The following FOXP1 variants were observed in gnomAD, a reference collection of about 807,000 sequenced individuals.
FOXP1 encodes forkhead box protein P1.
In FOXP1, 15 loss-of-function variants were observed where a neutral mutation model predicts 98.2. The ratio of observed to expected loss-of-function variants is 0.15; its 90% CI spans 0.10 to 0.24. FOXP1 has a LOEUF of 0.24. Among genes scored for constraint, FOXP1 ranks in the 10% least tolerant of loss-of-function variants. The probability of loss-of-function intolerance (pLI) is 1.00; values close to 1 mark genes in which losing one functional copy is unlikely to be tolerated. For synonymous variants in FOXP1, 371 were observed against 314.5 expected (o/e 1.18, Z -1.90); for missense variants, 633 against 848.5 (o/e 0.75, Z 3.15).
intron 7 of FOXP1, among the ~76,000 whole-genome samples, chr3:71,091,170 G>C (rs1381581536): frequency 2.3e-5 from 3 of 132,066 alleles, no homozygotes; most frequent in Non-Finnish European, 4.9e-5. Flanking sequence ...CTGCTGGGTA[G>C]ACATTTCTAC....
At position 70,958,737 on chromosome 3, in the gene FOXP1, C is replaced by CA. The variant is rs10633687; in HGVS notation, c.*509dup. On this transcript the variant is annotated 3_prime_UTR_variant, in exon 21 of 21. Transcript: ENST00000649528. ...AGGCCTTCCCCATCCCAACTGGAAG[C>CA]AAAAAAAAAAAAAAAAAAAAAAAAA... 0.05 allele frequency: 1,208 copies of CA among 24,060 alleles called. 315 individuals are homozygous for CA. The highest frequency in any genetic ancestry group is 0.077 in the African/African-American group (488 of 6,316). The allele number at this position is 24,060 out of a possible 1,614,324, so 1.5% of individuals were successfully genotyped here. A position where few individuals can be genotyped will look rare whatever the true frequency, so the allele number is the denominator to read the frequency against.
At chr3:71,128,936 CA>C (rs1285944845) in intron 6 of FOXP1, among the ~76,000 whole-genome samples, 3 of 151,864 alleles carry the variant, frequency 2.0e-5, no homozygotes, top group African/African-American at 4.8e-5. Flanking sequence ...TATCATAAGA[CA>C]ATGCATTTAT....
intron 2 of FOXP1, chr3:71,581,025 T>C (rs2048120247): frequency 1.0e-6 from 1 of 982,892 alleles, no homozygotes; most frequent in Non-Finnish European, 1.2e-6. Flanking sequence ...TTTATATTAA[T>C]TTCATTATTC....
rs143943576 is a variant in FOXP1 at position 71,276,834 on chromosome 3, C to A, written c.-12+22986G>T. Among the ~76,000 whole-genome samples, 442 of 152,092 alleles carry A rather than the reference C, an allele frequency of 2.9e-3. 4 individuals are homozygous for A. The highest frequency in any genetic ancestry group is 0.01 in the African/African-American group (426 of 41,478). On this transcript the variant is annotated intron_variant, in intron 5 of 20. Coordinates refer to ENST00000649528, the MANE Select transcript of FOXP1 (RefSeq NM_001349338.3). ...ACTATACAGTCAGCCTACAGTGGTA[C>A]AGAACAACAGAATTTATTCCTCCTA...
At chr3:71,121,151 T>C (rs2058735950) in intron 6 of FOXP1, among the ~76,000 whole-genome samples, 1 of 151,830 alleles carries the variant, frequency 6.6e-6, no homozygotes, top group South Asian at 2.1e-4. Context: ...TCAAATGCCA[T>C]CCTGCGCACC....
intron 12 of FOXP1, 29 bp from the exon 13 acceptor site, chr3:71,001,088 T>G (rs372124446): frequency 4.5e-6 from 7 of 1,542,352 alleles, no homozygotes; most frequent in Non-Finnish European, 6.3e-6. Context: ...AATCATTAAG[T>G]GAAATGGAGA....
At chr3:71,450,344 G>A (rs776859256) in intron 3 of FOXP1, among the ~76,000 whole-genome samples, 36 of 152,166 alleles carry the variant, frequency 2.4e-4, no homozygotes, top group African/African-American at 6.0e-4. Context: ...GGAATGGGAC[G>A]ACAATGAACT....
At chr3:70,994,021 AAAAAG>A (rs1214911323) in intron 13 of FOXP1, among the ~76,000 whole-genome samples, 1 of 151,310 alleles carries the variant, frequency 6.6e-6, no homozygotes, top group Non-Finnish European at 1.5e-5. Context: ...AAAGAAAAAG[AAAAAG>A]AAAAAGAAAA....
At chr3:71,283,225 A>G (rs2071749669) in intron 5 of FOXP1, among the ~76,000 whole-genome samples, 1 of 152,146 alleles carries the variant, frequency 6.6e-6, no homozygotes, top group Non-Finnish European at 1.5e-5. Context: ...GCTTGGGTTT[A>G]CGGACTCACA....
chr3:71,287,809 C>A (rs953591892), intron 5 of FOXP1, among the ~76,000 whole-genome samples: 3 of 151,920 alleles, frequency 2.0e-5, no homozygotes, highest in Non-Finnish European at 2.9e-5. Flanking sequence ...AAAACAATAA[C>A]ATTAGGATTT....
At chr3:71,497,110 C>T (rs2091473349) in intron 2 of FOXP1, among the ~76,000 whole-genome samples, 1 of 151,700 alleles carries the variant, frequency 6.6e-6, no homozygotes. Context: ...TTTAAAAATA[C>T]CAGAAGATAG....
At chr3:71,275,343 A>C (rs1231622856) in intron 5 of FOXP1, among the ~76,000 whole-genome samples, 1 of 152,160 alleles carries the variant, frequency 6.6e-6, no homozygotes, top group Non-Finnish European at 1.5e-5. Context: ...TTGCCCCCAC[A>C]GATAATGTTA....
chr3:71,004,316 G>C (rs1438518099), intron 12 of FOXP1, among the ~76,000 whole-genome samples: 1 of 151,822 alleles, frequency 6.6e-6, no homozygotes, highest in Non-Finnish European at 1.5e-5. Flanking sequence ...AAAAAAAAAT[G>C]ATTTTGCCTT....
At chr3:71,031,575 C>T (rs1029687911) in intron 11 of FOXP1, among the ~76,000 whole-genome samples, 22 of 152,170 alleles carry the variant, frequency 1.4e-4, no homozygotes, top group African/African-American at 5.3e-4. Context: ...ACTTCTCACA[C>T]CTCCAGCCAA....
intron 2 of FOXP1, among the ~76,000 whole-genome samples, chr3:71,534,452 G>A (rs1014794980): frequency 3.3e-5 from 5 of 151,840 alleles, no homozygotes; most frequent in African/African-American, 1.2e-4. Context: ...GCATGTGGTC[G>A]AAAAAAAATC....
intron 7 of FOXP1, among the ~76,000 whole-genome samples, chr3:71,073,018 C>T (rs2053430901): frequency 1.3e-5 from 2 of 152,232 alleles, no homozygotes; most frequent in African/African-American, 4.8e-5. Flanking sequence ...AATGGCATTT[C>T]ATCCTTCATG....
At chr3:70,988,217 A>G in intron 13 of FOXP1, 140 bp from the exon 14 acceptor site, 1 of 843,160 alleles carries the variant, frequency 1.2e-6, no homozygotes, top group South Asian at 1.4e-5. Flanking sequence ...TTTGAAATCT[A>G]CATGACCATT....
intron 5 of FOXP1, among the ~76,000 whole-genome samples, chr3:71,241,277 G>C (rs2067259094): frequency 6.6e-6 from 1 of 151,918 alleles, no homozygotes. Context: ...CCATAAGGGA[G>C]CACAGGAAAT....
At chr3:70,977,797 C>T (rs1274303781) in intron 15 of FOXP1, 31 bp downstream of exon 15, 1 of 1,612,022 alleles carries the variant, frequency 6.2e-7, no homozygotes, top group Non-Finnish European at 8.5e-7. Context: ...CAGATTACAA[C>T]TCTACGTGAG....
Sources: gnomAD v4.1 joint callset for allele counts (sites outside exome capture counted in the v4.1 genomes callset) on GRCh38, gnomAD v4.1.1 for gene constraint, MANE v1.5 for transcripts, NCBI Gene and HGNC (gene_info 2026-07-23, HGNC 2026-07-21) for gene names.